The following SND1 variants were observed in gnomAD, a reference collection of about 807,000 sequenced individuals.
SND1 encodes the protein staphylococcal nuclease domain-containing protein 1.
Under a neutral mutation model 121.7 loss-of-function variants are expected in SND1, and 38 were observed. That is an observed-to-expected ratio of 0.31 (90% confidence interval 0.24 to 0.41). SND1 has a LOEUF of 0.41. Among genes scored for constraint, SND1 ranks in the 10% least tolerant of loss-of-function variants. The pLI is 1.00. For synonymous variants in SND1, 401 were observed against 447.4 expected (o/e 0.90, Z 1.31); for missense variants, 868 against 1,184.6 (o/e 0.73, Z 3.92).
At chr7:128,041,997 G>GT (rs1040335888) in intron 16 of SND1, among the ~76,000 whole-genome samples, 4 of 152,306 alleles carry the variant, frequency 2.6e-5, no homozygotes, top group African/African-American at 9.6e-5. Flanking sequence ...CCCAGCCTTT[G>GT]TGCAGCTACC....
chr7:127,918,927 T>C (rs1474877932), intron 14 of SND1, among the ~76,000 whole-genome samples: 2 of 152,226 alleles, frequency 1.3e-5, no homozygotes, highest in Non-Finnish European at 2.9e-5. Flanking sequence ...CTTCAAAATA[T>C]TGACCACTTT....
intron 15 of SND1, among the ~76,000 whole-genome samples, chr7:127,940,530 C>T (rs1801170960): frequency 1.3e-5 from 2 of 152,110 alleles, no homozygotes; most frequent in African/African-American, 2.4e-5. Context: ...TAATGGGCAG[C>T]GCCAGGGTGA....
At chr7:127,864,529 G>C (rs1229558049) in intron 12 of SND1, among the ~76,000 whole-genome samples, 3 of 152,072 alleles carry the variant, frequency 2.0e-5, no homozygotes, top group African/African-American at 7.2e-5. Flanking sequence ...ATCTAGAACA[G>C]TTCTGAATCT....
At chr7:127,977,185 G>T (rs1453542144) in intron 15 of SND1, among the ~76,000 whole-genome samples, 3 of 152,144 alleles carry the variant, frequency 2.0e-5, no homozygotes. Flanking sequence ...ACCCCCATTG[G>T]ACGTTTTTAA....
At chr7:127,926,842 C>T (rs1800854506) in intron 14 of SND1, among the ~76,000 whole-genome samples, 1 of 151,998 alleles carries the variant, frequency 6.6e-6, no homozygotes, top group African/African-American at 2.4e-5. Context: ...TTGCCTGCCT[C>T]AGCCTCCCAA....
At chr7:127,905,922 G>T (rs888837163) in intron 14 of SND1, among the ~76,000 whole-genome samples, 1 of 152,166 alleles carries the variant, frequency 6.6e-6, no homozygotes, top group African/African-American at 2.4e-5. Context: ...TAGGCTGCAG[G>T]AGAGATGAAT....
chr7:127,686,954 T>C lies in SND1; in HGVS notation c.228+192T>C, dbSNP rs574386638. 7 of 568,408 alleles carry C rather than the reference T, an allele frequency of 1.2e-5. No individual in the cohort carries two copies. The South Asian group carries it at 1.6e-4, about 13-fold the overall frequency. 35.2% of individuals were successfully genotyped at this position (568,408 alleles called of 1,614,324 possible). The stretch of plus-strand genomic sequence containing the variant: ...ATATGTTTACTACCTTTAGTGGCAG[T>C]TGAAGTCTTAGAGCTTTTTCTTGTA... On this transcript the variant is annotated intron_variant, in intron 2 of 23. Transcript: ENST00000354725.
At chr7:127,900,007 G>A (rs1018450325) in intron 13 of SND1, among the ~76,000 whole-genome samples, 10 of 152,072 alleles carry the variant, frequency 6.6e-5, no homozygotes, top group African/African-American at 1.9e-4. Flanking sequence ...TCCTTTCCCC[G>A]TCATCTCCCT....
intron 16 of SND1, among the ~76,000 whole-genome samples, chr7:128,014,956 C>T (rs1803194959): frequency 6.6e-6 from 1 of 152,220 alleles, no homozygotes; most frequent in African/African-American, 2.4e-5. Context: ...GCTTCCTACC[C>T]TCCCTCTATA....
chr7:128,030,105 C>T (rs1792535922), intron 16 of SND1: 1 of 1,613,868 alleles, frequency 6.2e-7, no homozygotes, highest in Admixed American at 1.7e-5. Context: ...CTTGAGCTCC[C>T]CCAAGTCCAG....
intron 14 of SND1, among the ~76,000 whole-genome samples, chr7:127,913,557 C>G (rs757614507): frequency 1.1e-4 from 17 of 152,180 alleles, no homozygotes; most frequent in Non-Finnish European, 1.9e-4. Flanking sequence ...TTCCCATTCT[C>G]TGGGTGTATG....
At chr7:128,087,505 G>T (rs2073061520) in intron 21 of SND1, among the ~76,000 whole-genome samples, 1 of 152,220 alleles carries the variant, frequency 6.6e-6, no homozygotes, top group Non-Finnish European at 1.5e-5. Flanking sequence ...TGAACAGAGG[G>T]ACTAGAATGA....
intron 16 of SND1, among the ~76,000 whole-genome samples, chr7:128,026,319 C>A (rs1419116127): frequency 3.3e-5 from 5 of 152,102 alleles, no homozygotes; most frequent in Admixed American, 6.5e-5. Flanking sequence ...AAGTGTGTGC[C>A]CATACATATG....
intron 9 of SND1, among the ~76,000 whole-genome samples, chr7:127,712,347 T>A (rs1796312372): frequency 6.6e-6 from 1 of 152,084 alleles, no homozygotes; most frequent in Non-Finnish European, 1.5e-5. Flanking sequence ...TTTGTAGAGA[T>A]GAGGTCTCCC....
chr7:127,968,891 C>T (rs1437538705), intron 15 of SND1, among the ~76,000 whole-genome samples: 1 of 152,206 alleles, frequency 6.6e-6, no homozygotes, highest in Non-Finnish European at 1.5e-5. Flanking sequence ...TCCTTGGCTT[C>T]CTTCTATTGT....
At chr7:127,857,151 C>T (rs1799290351) in intron 12 of SND1, among the ~76,000 whole-genome samples, 1 of 126,558 alleles carries the variant, frequency 7.9e-6, no homozygotes, top group Non-Finnish European at 1.7e-5. Flanking sequence ...AAAAAATATT[C>T]TGGTTTCCAA....
chr7:127,848,273 T>G (rs1799102753), intron 12 of SND1, among the ~76,000 whole-genome samples: 1 of 152,256 alleles, frequency 6.6e-6, no homozygotes, highest in Non-Finnish European at 1.5e-5. Flanking sequence ...ACACACTCTT[T>G]GTGTGCTTGT....
At chr7:127,677,358 A>G (rs956160922) in intron 1 of SND1, among the ~76,000 whole-genome samples, 8 of 152,356 alleles carry the variant, frequency 5.3e-5, no homozygotes, top group Admixed American at 4.6e-4. Flanking sequence ...TTCAAAGGTC[A>G]CTGCTGACAT....
intron 11 of SND1, among the ~76,000 whole-genome samples, chr7:127,820,878 A>G (rs1798535190): frequency 6.6e-6 from 1 of 152,172 alleles, no homozygotes; most frequent in Non-Finnish European, 1.5e-5. Context: ...TGACCTTAGC[A>G]AGGAAAAAGT....
Sources: gnomAD v4.1 joint callset for allele counts (sites outside exome capture counted in the v4.1 genomes callset) on GRCh38, gnomAD v4.1.1 for gene constraint, MANE v1.5 for transcripts, NCBI Gene and HGNC (gene_info 2026-07-23, HGNC 2026-07-21) for gene names.